Variants in SSBP3 observed in about 807,000 individuals in gnomAD.
SSBP3 encodes single stranded DNA binding protein 3, also known as single-stranded DNA-binding protein 3.
A neutral mutation model predicts 69.6 loss-of-function variants in SSBP3; 5 were observed. The ratio of observed to expected loss-of-function variants is 0.07; its 90% CI spans 0.04 to 0.15. The LOEUF (loss-of-function observed/expected upper bound fraction) is 0.15, where lower values mean the gene tolerates loss of function less well. SSBP3 is among the 10% of genes least tolerant of loss of function. SSBP3 has a pLI of 1.00. For missense variants in SSBP3, 312 were observed against 534.0 expected, an observed-to-expected ratio of 0.58 and a Z score of 4.10; for synonymous variants, 196 against 193.4, an observed-to-expected ratio of 1.01 and a Z score of -0.11.
At chr1:54,377,931 T>A (rs929240005) in intron 4 of SSBP3, among the ~76,000 whole-genome samples, 11 of 152,300 alleles carry the variant, frequency 7.2e-5, no homozygotes, top group South Asian at 2.1e-4. Context: ...TATGGGTAAA[T>A]AAATTAGATA....
At chr1:54,317,039 C>T (rs1325635662) in intron 4 of SSBP3, among the ~76,000 whole-genome samples, 1 of 152,152 alleles carries the variant, frequency 6.6e-6, no homozygotes, top group Non-Finnish European at 1.5e-5. Context: ...GAAAATTATG[C>T]TTCAACAATG....
intron 4 of SSBP3, among the ~76,000 whole-genome samples, chr1:54,374,982 G>A (rs55914154): frequency 0.11 from 17,370 of 152,258 alleles, 1,153 homozygotes; most frequent in East Asian, 0.28. Flanking sequence ...ACCCCACCCC[G>A]TCACTGTGGG....
chr1:54,249,712 A>T (rs1287770944), intron 9 of SSBP3, among the ~76,000 whole-genome samples: 2 of 114,448 alleles, frequency 1.7e-5, no homozygotes, highest in Non-Finnish European at 3.7e-5. Context: ...TTTTTAAAAA[A>T]TTTAAAAAAA....
At chr1:54,406,508 G>T (rs1649785848), upstream of SSBP3, 1 of 152,194 alleles carries the variant, frequency 6.6e-6, no homozygotes, top group Non-Finnish European at 1.5e-5. Flanking sequence ...GGCCCGGGCC[G>T]GCTGGGAGGG....
intron 4 of SSBP3, among the ~76,000 whole-genome samples, chr1:54,314,812 G>A (rs1371809455): frequency 6.6e-6 from 1 of 152,190 alleles, no homozygotes. Flanking sequence ...GAATGAGGAG[G>A]CTTCCAGTGT....
chr1:54,252,770 G>C (rs1362568136), intron 7 of SSBP3, among the ~76,000 whole-genome samples: 1 of 152,258 alleles, frequency 6.6e-6, no homozygotes, highest in East Asian at 1.9e-4. Context: ...GAGTTGCTGG[G>C]GGGAAGTTTG....
chr1:54,276,216 C>A (rs558039631), intron 5 of SSBP3, among the ~76,000 whole-genome samples: 1 of 152,206 alleles, frequency 6.6e-6, no homozygotes, highest in South Asian at 2.1e-4. Context: ...CTTTTGGCAA[C>A]AGGAGCTGGG....
At chr1:54,401,357 G>A (rs1247211825) in intron 4 of SSBP3, among the ~76,000 whole-genome samples, 3 of 151,488 alleles carry the variant, frequency 2.0e-5, no homozygotes, top group African/African-American at 7.3e-5. Context: ...AGCAGATACA[G>A]TATGAGCCCA....
At chr1:54,406,036 T>TCGCCACCGCCGC in exon 1 of SSBP3, 1 of 1,329,336 alleles carries the variant, frequency 7.5e-7, no homozygotes, top group Non-Finnish European at 1.0e-6. Flanking sequence ...GCGCCGAGCC[T>TCGCCACCGCCGC]CGCCGCCGCC....
intron 4 of SSBP3, among the ~76,000 whole-genome samples, chr1:54,368,707 C>T (rs978850320): frequency 2.0e-5 from 3 of 152,228 alleles, no homozygotes; most frequent in East Asian, 3.8e-4. Flanking sequence ...TTTCCACTCC[C>T]CACAAAGAGC....
chr1:54,351,612 C>T (rs965284669), intron 4 of SSBP3, among the ~76,000 whole-genome samples: 12 of 152,200 alleles, frequency 7.9e-5, no homozygotes, highest in African/African-American at 2.9e-4. Flanking sequence ...ATAAATGAAA[C>T]TTTAACAACA....
chr1:54,258,267 G>A lies in SSBP3; in HGVS notation c.367-118C>T, dbSNP rs1557469009. On this transcript the variant is annotated intron_variant, in intron 5 of 17. Transcript: ENST00000610401. The surrounding 1 kb of genome is among the most constrained non-coding windows in gnomAD (Gnocchi z 4.5). The stretch of plus-strand genomic sequence containing the variant: ...AGGGTGGGCGGCGGGCGTGCGGGGG[G>A]GTGGGCTCTGGTTGGTGGGAGGTGG... The A allele has an allele frequency of 6.6e-6, 5 of 753,844 alleles. No individual in the cohort carries two copies. The highest frequency in any genetic ancestry group is 3.8e-5 in the Admixed American group (1 of 26,342). The allele number at this position is 753,844 out of a possible 1,614,324, so 46.7% of individuals were successfully genotyped here. A position where few individuals can be genotyped will look rare whatever the true frequency, so the allele number is the denominator to read the frequency against.
At chr1:54,230,209 C>T (rs1644358006) in intron 14 of SSBP3, among the ~76,000 whole-genome samples, 1 of 152,128 alleles carries the variant, frequency 6.6e-6, no homozygotes, top group Admixed American at 6.5e-5. Context: ...GGTGGCGCAT[C>T]CTTGCCTCTC....
intron 5 of SSBP3, among the ~76,000 whole-genome samples, chr1:54,266,152 G>C (rs1471925479): frequency 6.6e-6 from 1 of 152,236 alleles, no homozygotes; most frequent in Non-Finnish European, 1.5e-5. Flanking sequence ...CCATGATACA[G>C]ATGGGAAGAC....
At chr1:54,228,692 G>A in intron 15 of SSBP3, 56 bp downstream of exon 15, 1 of 1,539,518 alleles carries the variant, frequency 6.5e-7, no homozygotes, top group South Asian at 1.2e-5. Flanking sequence ...AGGAGCTGAG[G>A]CACAGAGCTG....
At chr1:54,353,215 C>T (rs1340029800) in intron 4 of SSBP3, among the ~76,000 whole-genome samples, 9 of 152,180 alleles carry the variant, frequency 5.9e-5, no homozygotes, top group African/African-American at 1.9e-4. Flanking sequence ...ATTTATTTTG[C>T]ATCTAACAAG....
At chr1:54,304,690 G>C (rs1306084977) in intron 4 of SSBP3, among the ~76,000 whole-genome samples, 1 of 152,220 alleles carries the variant, frequency 6.6e-6, no homozygotes, top group African/African-American at 2.4e-5. Flanking sequence ...ACTGGAGCCA[G>C]ACCCCAGAAT....
At chr1:54,234,932 C>T (rs1292287468) in intron 14 of SSBP3, among the ~76,000 whole-genome samples, 1 of 152,148 alleles carries the variant, frequency 6.6e-6, no homozygotes, top group African/African-American at 2.4e-5. Context: ...CAGCTTAGAA[C>T]ACCTTTCTTT....
At chr1:54,368,288 C>CAAA (rs57721486) in intron 4 of SSBP3, among the ~76,000 whole-genome samples, 16 of 69,026 alleles carry the variant, frequency 2.3e-4, no homozygotes, top group African/African-American at 7.1e-4. Context: ...GACTCCATCT[C>CAAA]AAAAAAAAAA....
Sources: allele counts gnomAD v4.1 joint callset (sites outside exome capture counted in the v4.1 genomes callset), GRCh38; gene constraint gnomAD v4.1.1; non-coding constraint Gnocchi (gnomAD v3.1); transcripts MANE v1.5; gene names NCBI Gene and HGNC (gene_info 2026-07-23, HGNC 2026-07-21).